The following NRCAM variants were observed in gnomAD, a reference collection of about 807,000 sequenced individuals.
The protein encoded by NRCAM is neuronal cell adhesion molecule, also known as NgCAM-related cell adhesion molecule.
NRCAM carries 83 observed loss-of-function variants against 156.5 expected under a neutral mutation model. That is an observed-to-expected ratio of 0.53 (90% CI 0.44 to 0.64). The LOEUF (loss-of-function observed/expected upper bound fraction) is 0.64, where lower values mean the gene tolerates loss of function less well. Ranked by LOEUF, NRCAM falls within the 30% of genes least tolerant of loss-of-function variation. The probability of loss-of-function intolerance (pLI) is 0.00; values close to 1 mark genes in which losing one functional copy is unlikely to be tolerated. For missense variants in NRCAM, 1,417 were observed against 1,597.3 expected (o/e 0.89, Z 1.92); for synonymous variants, 538 against 563.9 (o/e 0.95, Z 0.65).
chr7:108,378,832 G>A (rs1218724028), intron 2 of NRCAM, among the ~76,000 whole-genome samples: 1 of 151,792 alleles, frequency 6.6e-6, no homozygotes, highest in East Asian at 1.9e-4. Context: ...ATAGAAAATG[G>A]AAGGAGGATT....
At chr7:108,418,236 GGAGATTCTCTCCAGAAATTGGTA>G in intron 1 of NRCAM, among the ~76,000 whole-genome samples, 1 of 152,116 alleles carries the variant, frequency 6.6e-6, no homozygotes, top group Middle Eastern at 3.4e-3. Flanking sequence ...TTGTATTTCT[GGAGATTCTCTCCAGAAATTGGTA>G]GAGATTCTCT....
chr7:108,325,974 T>A (rs1051409731), intron 2 of NRCAM, among the ~76,000 whole-genome samples: 3 of 152,126 alleles, frequency 2.0e-5, no homozygotes, highest in African/African-American at 7.2e-5. Flanking sequence ...TATTTACATA[T>A]AATTTTATAG....
chr7:108,345,087 T>A (rs1039352579), intron 2 of NRCAM, among the ~76,000 whole-genome samples: 2 of 152,290 alleles, frequency 1.3e-5, no homozygotes, highest in Middle Eastern at 6.8e-3. Flanking sequence ...AATTCAATAT[T>A]TTATAAAGAA....
intron 2 of NRCAM, among the ~76,000 whole-genome samples, chr7:108,349,375 T>C (rs1215460122): frequency 6.6e-6 from 1 of 151,966 alleles, no homozygotes. Context: ...TTCACACCAT[T>C]CTCCTGCCTC....
At chr7:108,286,261 G>A (rs972764014) in intron 3 of NRCAM, among the ~76,000 whole-genome samples, 3 of 152,164 alleles carry the variant, frequency 2.0e-5, no homozygotes, top group African/African-American at 7.2e-5. Context: ...GCCAGCAGCA[G>A]TAGTTTGCAA....
chr7:108,162,722 C>T (rs547614905), intron 30 of NRCAM, among the ~76,000 whole-genome samples: 38 of 152,210 alleles, frequency 2.5e-4, no homozygotes, highest in Middle Eastern at 3.4e-3. Context: ...AAAAAAGTAT[C>T]GAATATTTCA....
intron 1 of NRCAM, among the ~76,000 whole-genome samples, chr7:108,453,823 T>C (rs909671584): frequency 2.6e-5 from 4 of 152,246 alleles, no homozygotes; most frequent in Non-Finnish European, 4.4e-5. Context: ...CCTTTTTTAC[T>C]AGTTAACATG....
At chr7:108,355,511 T>C (rs544783707) in intron 2 of NRCAM, among the ~76,000 whole-genome samples, 7 of 152,198 alleles carry the variant, frequency 4.6e-5, no homozygotes, top group Non-Finnish European at 1.0e-4. Flanking sequence ...AAATGATGTA[T>C]ACAATAGTAC....
chr7:108,335,125 A>T (rs1442115178), intron 2 of NRCAM, among the ~76,000 whole-genome samples: 1 of 152,206 alleles, frequency 6.6e-6, no homozygotes, highest in Non-Finnish European at 1.5e-5. Flanking sequence ...CAAGCCACAG[A>T]GCAAGAAAAT....
intron 1 of NRCAM, among the ~76,000 whole-genome samples, chr7:108,450,975 T>C (rs1308949755): frequency 6.6e-6 from 1 of 152,146 alleles, no homozygotes; most frequent in Non-Finnish European, 1.5e-5. Flanking sequence ...TCTCAGCACT[T>C]TGGGAGGCCA....
chr7:108,191,793 G>C lies in NRCAM; in HGVS notation c.1839C>G (p.Thr613=), dbSNP rs771927749. ...VADVSDDDSG[T]YTCVANTTLD... Reference sequence around the variant, plus strand: ...GAGTGGTGTTGGCCACACACGTGTAGGTCCCGCTGTCATCGTCACTGACAT... The same window carrying C: ...GAGTGGTGTTGGCCACACACGTGTACGTCCCGCTGTCATCGTCACTGACAT... The change falls in exon 18 of 33, where the codon ACC becomes ACG. Residue 613 remains threonine (T), a synonymous_variant. Transcript: ENST00000379028. 3.1e-6 allele frequency: 5 copies of C among 1,613,958 alleles called. No individual in the cohort carries two copies. Among genetic ancestry groups the C allele is most frequent in the Non-Finnish European group, 4.2e-6 (5 of 1,180,000 alleles).
At chr7:108,186,091 C>A (rs1471540291) in intron 20 of NRCAM, among the ~76,000 whole-genome samples, 1 of 152,150 alleles carries the variant, frequency 6.6e-6, no homozygotes, top group Non-Finnish European at 1.5e-5. Context: ...TTTGGATATT[C>A]ACTGATTGCC....
chr7:108,194,462 AAC>A, intron 15 of NRCAM, 34 bp from the exon 16 acceptor site: 1 of 1,456,560 alleles, frequency 6.9e-7, no homozygotes, highest in Non-Finnish European at 9.4e-7. Context: ...TGAGAATAAA[AAC>A]ACATTATATT....
At chr7:108,455,182 T>C (rs1167320933) in intron 1 of NRCAM, among the ~76,000 whole-genome samples, 1 of 152,114 alleles carries the variant, frequency 6.6e-6, no homozygotes, top group Non-Finnish European at 1.5e-5. Context: ...ACGACTCCCT[T>C]GCTCACCCTA....
chr7:108,266,002 G>C (rs2097090560), intron 3 of NRCAM, among the ~76,000 whole-genome samples: 1 of 152,168 alleles, frequency 6.6e-6, no homozygotes, highest in Non-Finnish European at 1.5e-5. Context: ...TAAATCATTT[G>C]AAATATTCCT....
intron 1 of NRCAM, among the ~76,000 whole-genome samples, chr7:108,435,255 C>A (rs574567861): frequency 1.3e-5 from 2 of 151,992 alleles, no homozygotes; most frequent in Admixed American, 6.6e-5. Flanking sequence ...AAGATCGATA[C>A]CTGAAATGAA....
intron 1 of NRCAM, among the ~76,000 whole-genome samples, chr7:108,423,003 GCCCAGGGAAA>G: frequency 6.6e-6 from 1 of 152,002 alleles, no homozygotes; most frequent in Non-Finnish European, 1.5e-5. Flanking sequence ...CCTGCCTCCT[GCCCAGGGAAA>G]CCTAGGCAGG....
In NRCAM at chr7:108,229,387, C is replaced by T. The variant is rs372333841; in HGVS notation, c.550+1644G>A. On this transcript the variant is annotated intron_variant, in intron 8 of 32. Coordinates refer to ENST00000379028, the MANE Select transcript of NRCAM (RefSeq NM_001037132.4). Reference sequence around the variant, plus strand: ...AAGCAATCCTCCCATCCCAGCCTCTCGATTAGCTGGGATTACAGTGTCAGC... The same window carrying T: ...AAGCAATCCTCCCATCCCAGCCTCTTGATTAGCTGGGATTACAGTGTCAGC... Among the ~76,000 whole-genome samples the T allele has an allele frequency of 4.6e-5, 7 of 152,300 alleles. No homozygotes were observed. The East Asian group carries it at 9.7e-4, about 21-fold the overall frequency.
intron 1 of NRCAM, among the ~76,000 whole-genome samples, chr7:108,431,272 C>T (rs1824737752): frequency 6.6e-6 from 1 of 152,130 alleles, no homozygotes; most frequent in Admixed American, 6.5e-5. Flanking sequence ...GTGCTTTTTC[C>T]ACTAGACCGT....
Sources: gnomAD v4.1 joint callset for allele counts (sites outside exome capture counted in the v4.1 genomes callset) on GRCh38, gnomAD v4.1.1 for gene constraint, MANE v1.5 for transcripts, NCBI Gene and HGNC (gene_info 2026-07-23, HGNC 2026-07-21) for gene names.